Variants in PPP1R1C observed in about 807,000 individuals in gnomAD.
PPP1R1C encodes protein phosphatase 1 regulatory inhibitor subunit 1C.
A neutral mutation model predicts 17.4 loss-of-function variants in PPP1R1C; 15 were observed. The observed-to-expected ratio is 0.86, with a 90% confidence interval of 0.58 to 1.33. The LOEUF (loss-of-function observed/expected upper bound fraction) is 1.33, where lower values mean the gene tolerates loss of function less well. Among genes scored for constraint, PPP1R1C ranks in the 40% most tolerant of loss-of-function variants. The pLI is 0.00. For synonymous variants in PPP1R1C, 35 were observed against 43.1 expected, an observed-to-expected ratio of 0.81 and a Z score of 0.73; for missense variants, 143 against 130.0, an observed-to-expected ratio of 1.10 and a Z score of -0.48.
At chr2:182,006,541 TG>T (rs1685930042) in intron 2 of PPP1R1C, among the ~76,000 whole-genome samples, 1 of 152,236 alleles carries the variant, frequency 6.6e-6, no homozygotes, top group Non-Finnish European at 1.5e-5. Flanking sequence ...GTGTTGCTGC[TG>T]AATGTGGTTA....
intron 4 of PPP1R1C, among the ~76,000 whole-genome samples, chr2:182,085,259 C>G (rs781569556): frequency 4.6e-5 from 7 of 151,986 alleles, no homozygotes; most frequent in Non-Finnish European, 1.0e-4. Flanking sequence ...ATTTCTTTCC[C>G]TTATCTAATT....
At chr2:181,982,382 G>A (rs1034526425), upstream of PPP1R1C, among the ~76,000 whole-genome samples, 4 of 152,116 alleles carry the variant, frequency 2.6e-5, no homozygotes, top group Non-Finnish European at 4.4e-5. Context: ...AACACCTTAC[G>A]TTTCTTGATA....
intron 2 of PPP1R1C, among the ~76,000 whole-genome samples, chr2:182,058,192 T>A (rs1210961619): frequency 1.3e-5 from 2 of 152,154 alleles, no homozygotes; most frequent in Non-Finnish European, 2.9e-5. Flanking sequence ...TCATGTCTCC[T>A]TAGGCTCCTC....
chr2:182,053,006 A>G (rs1210678542), intron 2 of PPP1R1C, among the ~76,000 whole-genome samples: 2 of 152,236 alleles, frequency 1.3e-5, no homozygotes, highest in East Asian at 3.8e-4. Context: ...AATATTCAGA[A>G]TAAGGAGGAA....
intron 1 of PPP1R1C, among the ~76,000 whole-genome samples, chr2:181,959,247 A>G (rs1684724349): frequency 6.6e-6 from 1 of 152,226 alleles, no homozygotes; most frequent in African/African-American, 2.4e-5. Flanking sequence ...ATTTCCCTTG[A>G]TATTAGCAAC....
rs114681591 is a variant in PPP1R1C, at chr2:181,971,546, C to T, written n.112-3673C>T. Among the ~76,000 whole-genome samples the T allele has an allele frequency of 3.3e-3, 506 of 152,272 alleles. 6 individuals are homozygous for T. Among genetic ancestry groups the T allele is most frequent in the African/African-American group, 0.012 (486 of 41,548 alleles). The stretch of plus-strand genomic sequence containing the variant: ...GCTGCCTGGGGTTGGGGAGTTGGCA[C>T]AAGCACTCCCTTGGCCACCCCAGCT... On this transcript the variant is annotated intron_variant and non_coding_transcript_variant, in intron 1 of 5. Coordinates refer to the PPP1R1C transcript ENST00000464264.
In PPP1R1C at chr2:182,033,086, C is replaced by G. The variant is rs189447115; in HGVS notation, c.143-28356C>G. ...TCCAATAATTGCCAAATCCAGTAATCATTTTTAAAGTCCTTGATCCCTCTC... is the reference window on the plus strand; with the variant it reads ...TCCAATAATTGCCAAATCCAGTAATGATTTTTAAAGTCCTTGATCCCTCTC... On this transcript the variant is annotated intron_variant, in intron 2 of 4. Coordinates refer to ENST00000682840, the MANE Select transcript of PPP1R1C (RefSeq NM_001080545.3). Among the ~76,000 whole-genome samples, 178 of 152,290 alleles carry G rather than the reference C, an allele frequency of 1.2e-3. 1 individual carries two copies. Among genetic ancestry groups the G allele is most frequent in the African/African-American group, 4.1e-3 (171 of 41,564 alleles).
At chr2:182,031,542 C>A (rs1347880771) in intron 2 of PPP1R1C, among the ~76,000 whole-genome samples, 1 of 152,166 alleles carries the variant, frequency 6.6e-6, no homozygotes, top group Non-Finnish European at 1.5e-5. Flanking sequence ...TCTTCAAACA[C>A]ATTTTTTAAA....
chr2:181,994,789 C>G (rs1685568168), intron 2 of PPP1R1C, among the ~76,000 whole-genome samples: 1 of 152,068 alleles, frequency 6.6e-6, no homozygotes, highest in Non-Finnish European at 1.5e-5. Context: ...AACAGAAATC[C>G]GTGTTGCTGA....
At chr2:182,098,937 T>C (rs1469070223) in intron 4 of PPP1R1C, among the ~76,000 whole-genome samples, 1 of 152,246 alleles carries the variant, frequency 6.6e-6, no homozygotes, top group Non-Finnish European at 1.5e-5. Context: ...CTTGAACGTT[T>C]CTTCTCAGGT....
chr2:182,009,037 G>A (rs561954705), intron 2 of PPP1R1C, among the ~76,000 whole-genome samples: 1 of 152,166 alleles, frequency 6.6e-6, no homozygotes, highest in Admixed American at 6.5e-5. Flanking sequence ...TCTGTTGATG[G>A]ACACTTAGAT....
At position 182,101,179 on chromosome 2, in the gene PPP1R1C, T is replaced by A. The variant is rs186034806; in HGVS notation, c.242-16028T>A. Among the ~76,000 whole-genome samples, 92 of 152,336 alleles carry A rather than the reference T, an allele frequency of 6.0e-4. 1 individual carries two copies. The highest frequency in any genetic ancestry group is 1.0e-4 in the Non-Finnish European group (7 of 68,034). ...TTTCTGACTACTTCAAATTATGTTC[T>A]GGTAGTACCATTGGTGAATTTCCCG... On this transcript the variant is annotated intron_variant, in intron 4 of 4. Transcript: ENST00000682840.
chr2:182,127,575 G>A (rs1457770100), intron 5 of PPP1R1C, among the ~76,000 whole-genome samples: 1 of 152,030 alleles, frequency 6.6e-6, no homozygotes, highest in East Asian at 1.9e-4. Flanking sequence ...CAAGCATCTG[G>A]TCGGTCCAAG....
chr2:182,077,956 G>C (rs775524076), intron 4 of PPP1R1C, among the ~76,000 whole-genome samples: 1 of 152,164 alleles, frequency 6.6e-6, no homozygotes, highest in Admixed American at 6.5e-5. Flanking sequence ...CAAGGAGGAC[G>C]GCTTGAGATC....
At chr2:182,109,301 G>A (rs984959700) in intron 4 of PPP1R1C, among the ~76,000 whole-genome samples, 4 of 151,942 alleles carry the variant, frequency 2.6e-5, no homozygotes, top group Non-Finnish European at 4.4e-5. Context: ...GCTTGTATTC[G>A]CATCCTTTAC....
At chr2:181,985,811 A>C, upstream of PPP1R1C, 1 of 410,454 alleles carries the variant, frequency 2.4e-6, no homozygotes, top group Admixed American at 4.1e-5. The surrounding 1 kb of genome is among the most constrained non-coding windows in gnomAD (Gnocchi z 4.1). Flanking sequence ...TGCTGAGTGA[A>C]TGCTTGGCAT....
At chr2:182,000,904 G>A (rs904233729) in intron 2 of PPP1R1C, among the ~76,000 whole-genome samples, 8 of 152,126 alleles carry the variant, frequency 5.3e-5, no homozygotes, top group Admixed American at 3.3e-4. Flanking sequence ...ATGTATATGA[G>A]GCCTTATAAT....
intron 4 of PPP1R1C, among the ~76,000 whole-genome samples, chr2:182,067,895 T>G (rs1482856634): frequency 2.0e-5 from 3 of 152,074 alleles, no homozygotes; most frequent in Non-Finnish European, 4.4e-5. Flanking sequence ...ATCAGTTAAT[T>G]GCCAATATAA....
intron 2 of PPP1R1C, among the ~76,000 whole-genome samples, chr2:182,058,278 T>C (rs530520953): frequency 1.3e-5 from 2 of 152,218 alleles, no homozygotes; most frequent in South Asian, 4.1e-4. Context: ...GTCAGCAATC[T>C]TGTACAATGC....
Sources: gnomAD v4.1 joint callset for allele counts (sites outside exome capture counted in the v4.1 genomes callset) on GRCh38, gnomAD v4.1.1 for gene constraint, Gnocchi (gnomAD v3.1) non-coding constraint, MANE v1.5 for transcripts, NCBI Gene and HGNC (gene_info 2026-07-23, HGNC 2026-07-21) for gene names.